Variants in PBX3 observed in about 807,000 individuals in gnomAD.
PBX3 encodes the protein pre-B-cell leukemia transcription factor 3.
Under a neutral mutation model 48.5 loss-of-function variants are expected in PBX3, and 14 were observed. The observed-to-expected ratio is 0.29, with a 90% CI of 0.19 to 0.45. PBX3 has a LOEUF of 0.45. Ranked by LOEUF, PBX3 falls within the 20% of genes least tolerant of loss-of-function variation. PBX3 has a pLI of 1.00. For missense variants in PBX3, 386 were observed against 546.7 expected (o/e 0.71, Z 2.93); for synonymous variants, 210 against 200.3 (o/e 1.05, Z -0.41).
At chr9:125,904,851 CTG>C (rs749385533) in intron 2 of PBX3, among the ~76,000 whole-genome samples, 1 of 151,784 alleles carries the variant, frequency 6.6e-6, no homozygotes, top group Non-Finnish European at 1.5e-5. Flanking sequence ...TCTGTAGAGA[CTG>C]TTATTGCAGA....
chr9:125,811,801 G>GACATTTAGATGAATTTC (rs1215955132), intron 2 of PBX3, among the ~76,000 whole-genome samples: 20 of 151,828 alleles, frequency 1.3e-4, no homozygotes, highest in African/African-American at 4.6e-4. Flanking sequence ...TCTTTTTTTA[G>GACATTTAGATGAATTTC]ACATTTAGAT....
intron 8 of PBX3, 25 bp from the exon 9 acceptor site, chr9:125,965,806 C>T (rs759288344): frequency 1.3e-5 from 20 of 1,565,178 alleles, no homozygotes; most frequent in African/African-American, 2.7e-5. Flanking sequence ...GACGTGCACC[C>T]GTTGAACTGT....
At chr9:125,800,154 G>A (rs1837897502) in intron 2 of PBX3, among the ~76,000 whole-genome samples, 1 of 152,162 alleles carries the variant, frequency 6.6e-6, no homozygotes, top group Admixed American at 6.5e-5. Context: ...ACTCAGTGGT[G>A]CTTACTGATC....
chr9:125,953,382 T>C lies in PBX3; in HGVS notation c.844-7302T>C, dbSNP rs747941578. On this transcript the variant is annotated intron_variant, in intron 5 of 8. Coordinates refer to ENST00000373489, the MANE Select transcript of PBX3 (RefSeq NM_006195.6). ...GTCGCAGCTACTCAGGAGGCTGAGGTGGGAGGATCTCTTGAGCCTGGGAGG... is the reference window on the plus strand; with the variant it reads ...GTCGCAGCTACTCAGGAGGCTGAGGCGGGAGGATCTCTTGAGCCTGGGAGG... 6.6e-5 allele frequency among the ~76,000 whole-genome samples: 10 copies of C among 151,586 alleles called. No individual in the cohort carries two copies. In the South Asian group the frequency reaches 1.0e-3, roughly 16 times the overall value.
intron 5 of PBX3, among the ~76,000 whole-genome samples, chr9:125,948,071 C>T (rs73668735): frequency 0.04 from 6,119 of 152,246 alleles, 437 homozygotes; most frequent in African/African-American, 0.14. Context: ...ATCTGGAGAG[C>T]TGTTAGAATA....
chr9:125,910,162 T>G (rs1445666813), intron 2 of PBX3, among the ~76,000 whole-genome samples: 1 of 152,184 alleles, frequency 6.6e-6, no homozygotes, highest in Non-Finnish European at 1.5e-5. Context: ...TTTCACAGCA[T>G]GTAAACAAAT....
intron 2 of PBX3, among the ~76,000 whole-genome samples, chr9:125,763,615 A>G (rs527635677): frequency 6.6e-6 from 1 of 152,190 alleles, no homozygotes; most frequent in Admixed American, 6.5e-5. Context: ...GTGTAGGGAA[A>G]CTGGTAACAA....
At chr9:125,897,991 G>A (rs1035752582) in intron 2 of PBX3, among the ~76,000 whole-genome samples, 4 of 151,048 alleles carry the variant, frequency 2.6e-5, no homozygotes, top group African/African-American at 4.9e-5. Context: ...CTTCTTTAAC[G>A]GATATGGCCA....
At chr9:125,878,925 T>G (rs1432201922) in intron 2 of PBX3, among the ~76,000 whole-genome samples, 2 of 152,202 alleles carry the variant, frequency 1.3e-5, no homozygotes, top group Non-Finnish European at 2.9e-5. Flanking sequence ...TGTATATCTT[T>G]TAAGTGACAA....
In PBX3 at chr9:125,860,666, A is replaced by G. The variant is rs562538858; in HGVS notation, c.275-55020A>G. On this transcript the variant is annotated intron_variant, in intron 2 of 8. Coordinates refer to ENST00000373489, the MANE Select transcript of PBX3 (RefSeq NM_006195.6). ...AGCACTTTGAGAGGCTGAGGCAGGC[A>G]GATCACCTGAGGTTAGGAGTTCAAG... 1.7e-4 allele frequency among the ~76,000 whole-genome samples: 26 copies of G among 151,798 alleles called. No homozygotes were observed. In the South Asian group the frequency reaches 5.4e-3, roughly 32 times the overall value.
At chr9:125,819,173 A>G (rs1164858298) in intron 2 of PBX3, among the ~76,000 whole-genome samples, 1 of 152,096 alleles carries the variant, frequency 6.6e-6, no homozygotes, top group Non-Finnish European at 1.5e-5. Flanking sequence ...CTAATGTATA[A>G]TTCCAAATCT....
Position 125,966,561 on chromosome 9 carries a change from T to C in PBX3, c.*638T>C, listed in dbSNP as rs1842537223. The stretch of plus-strand genomic sequence containing the variant: ...GTAATAAAATTATGGATCCAGATTG[T>C]TCTGAGAGACGAAGATACTTGCTGC... On this transcript the variant is annotated 3_prime_UTR_variant, in exon 9 of 9. Coordinates refer to ENST00000373489, the MANE Select transcript of PBX3 (RefSeq NM_006195.6). 1 of 152,718 alleles carries C rather than the reference T, an allele frequency of 6.5e-6. No homozygotes were observed. The highest frequency in any genetic ancestry group is 6.5e-5 in the Admixed American group (1 of 15,280). 9.5% of individuals were successfully genotyped at this position (152,718 alleles called of 1,614,324 possible). A position where few individuals can be genotyped will look rare whatever the true frequency, so the allele number is the denominator to read the frequency against.
intron 2 of PBX3, among the ~76,000 whole-genome samples, chr9:125,859,881 T>G (rs917056296): frequency 3.3e-5 from 5 of 152,178 alleles, no homozygotes; most frequent in Non-Finnish European, 5.9e-5. Flanking sequence ...TGGTGAGCTC[T>G]TCTTATATAG....
intron 2 of PBX3, among the ~76,000 whole-genome samples, chr9:125,777,309 A>G (rs1429542029): frequency 6.6e-6 from 1 of 151,226 alleles, no homozygotes; most frequent in East Asian, 1.9e-4. Flanking sequence ...CGCTGCTCCC[A>G]GCCTCTTCTT....
chr9:125,955,505 A>G (rs1842287021), intron 5 of PBX3, among the ~76,000 whole-genome samples: 1 of 152,256 alleles, frequency 6.6e-6, no homozygotes, highest in East Asian at 1.9e-4. Context: ...TAAGTTACAG[A>G]AGAGATCAAA....
chr9:125,889,707 C>T (rs1840588882), intron 2 of PBX3, among the ~76,000 whole-genome samples: 2 of 151,614 alleles, frequency 1.3e-5, no homozygotes, highest in South Asian at 2.1e-4. Flanking sequence ...ATTATGCAGT[C>T]AGGGCGGTGA....
At position 125,774,292 on chromosome 9, in the gene PBX3, C is replaced by T. The variant is rs976951342; in HGVS notation, c.274+25669C>T. Among the ~76,000 whole-genome samples, 4 of 152,170 alleles carry T rather than the reference C, an allele frequency of 2.6e-5. No individual in the cohort carries two copies. The East Asian group carries it at 7.7e-4, about 29-fold the overall frequency. ...ACCCATTAGAAATCCCATCCATCACCCAGTCACCTCCTGCCAGGCCCCACC... is the reference window on the plus strand; with the variant it reads ...ACCCATTAGAAATCCCATCCATCACTCAGTCACCTCCTGCCAGGCCCCACC... On this transcript the variant is annotated intron_variant, in intron 2 of 8. Coordinates refer to ENST00000373489, the MANE Select transcript of PBX3 (RefSeq NM_006195.6).
intron 2 of PBX3, among the ~76,000 whole-genome samples, chr9:125,789,376 G>A (rs1375802236): frequency 6.6e-6 from 1 of 152,166 alleles, no homozygotes; most frequent in Middle Eastern, 3.2e-3. Flanking sequence ...GGTGACAGTG[G>A]GCTGCAGTTA....
intron 2 of PBX3, among the ~76,000 whole-genome samples, chr9:125,870,946 A>C (rs1840106922): frequency 6.6e-6 from 1 of 152,230 alleles, no homozygotes; most frequent in Non-Finnish European, 1.5e-5. Context: ...GAATAATTTC[A>C]GCTTGGAACA....
Sources: gnomAD v4.1 joint callset for allele counts (sites outside exome capture counted in the v4.1 genomes callset) on GRCh38, gnomAD v4.1.1 for gene constraint, MANE v1.5 for transcripts, NCBI Gene and HGNC (gene_info 2026-07-23, HGNC 2026-07-21) for gene names.